SPINT2: variants seen among roughly 807,000 people sequenced by gnomAD.
SPINT2 encodes the protein kunitz-type protease inhibitor 2.
In SPINT2, 18 loss-of-function variants were observed where a neutral mutation model predicts 30.1. The observed-to-expected ratio is 0.60, with a 90% confidence interval of 0.41 to 0.89. The LOEUF is 0.89. Among genes scored for constraint, SPINT2 ranks in the 40% least tolerant of loss-of-function variants. The probability of loss-of-function intolerance (pLI) is 0.00; values close to 1 mark genes in which losing one functional copy is unlikely to be tolerated. For synonymous variants in SPINT2, 139 were observed against 137.9 expected (o/e 1.01, Z -0.05); for missense variants, 276 against 334.3 (o/e 0.83, Z 1.36).
intron 6 of SPINT2, chr19:38,291,119 C>G: frequency 4.9e-6 from 1 of 202,388 alleles, no homozygotes; most frequent in Non-Finnish European, 1.0e-5. Flanking sequence ...CGAGTCTGTC[C>G]TGTTCTAGCA....
chr19:38,280,329 C>G (rs1039498206), intron 1 of SPINT2, among the ~76,000 whole-genome samples: 6 of 152,210 alleles, frequency 3.9e-5, no homozygotes, highest in African/African-American at 7.2e-5. Flanking sequence ...AGGAATCATA[C>G]AGTAAACTAA....
chr19:38,280,671 A>G (rs888406944), intron 1 of SPINT2, among the ~76,000 whole-genome samples: 31 of 152,214 alleles, frequency 2.0e-4, no homozygotes, highest in African/African-American at 7.5e-4. Flanking sequence ...GGCACATGCC[A>G]CGTGTACCTG....
chr19:38,287,200 T>G (rs996719607), intron 2 of SPINT2, among the ~76,000 whole-genome samples: 1 of 151,926 alleles, frequency 6.6e-6, no homozygotes, highest in Non-Finnish European at 1.5e-5. Flanking sequence ...ACTTTTTGGG[T>G]TTTTTTGTTT....
At chr19:38,287,268 G>A (rs1285432018) in intron 2 of SPINT2, among the ~76,000 whole-genome samples, 2 of 152,120 alleles carry the variant, frequency 1.3e-5, no homozygotes, top group Non-Finnish European at 2.9e-5. Flanking sequence ...GTGCGATTTC[G>A]GCTCACTGCA....
Position 38,290,270 on chromosome 19 carries a change from C to T in SPINT2, c.543C>T (p.Leu181=). 6.2e-7 allele frequency: 1 copy of T among 1,611,888 alleles called. No homozygotes were observed. Among genetic ancestry groups the T allele is most frequent in the Non-Finnish European group, 8.5e-7 (1 of 1,179,870 alleles). The change falls in exon 5 of 7, where the codon CTC becomes CTT. Residue 181 remains leucine (L), a synonymous_variant. Transcript: ENST00000301244. This position sits in a 1 kb window ranked among gnomAD's most constrained non-coding sequence, Gnocchi z 4.3. ...ACCGCTCTGAGGAGGCCTGCATGCT[C>T]CGCTGCTTCCGTAAGTCTGCAGCCC... ...NSYRSEEACM[L]RCFRQQENPP...
chr19:38,266,602 A>C (rs1968382050), intron 1 of SPINT2, among the ~76,000 whole-genome samples: 2 of 151,928 alleles, frequency 1.3e-5, no homozygotes, highest in African/African-American at 4.8e-5. Flanking sequence ...CTTGAAGCCC[A>C]GAGGCGGAGG....
In SPINT2 at chr19:38,292,197, A is replaced by G; in HGVS notation, c.*191A>G. 4 of 703,936 alleles carry G rather than the reference A, an allele frequency of 5.7e-6. No homozygotes were observed. The highest frequency in any genetic ancestry group is 2.8e-5 in the East Asian group (1 of 35,320). 43.6% of individuals were successfully genotyped at this position (703,936 alleles called of 1,614,324 possible). On this transcript the variant is annotated 3_prime_UTR_variant, in exon 7 of 7. Transcript: ENST00000301244. ...AATCCTCTAGGAGGCTCCTCCTCGC[A>G]TGGCCTGCAGTCTGGCAGCAGCCCC...
At chr19:38,270,403 G>T (rs887402917) in intron 1 of SPINT2, among the ~76,000 whole-genome samples, 1 of 152,158 alleles carries the variant, frequency 6.6e-6, no homozygotes, top group African/African-American at 2.4e-5. Flanking sequence ...CCCACCAATT[G>T]CCAGGCACTG....
chr19:38,268,284 GA>G (rs1555715125), intron 1 of SPINT2, among the ~76,000 whole-genome samples: 1 of 152,108 alleles, frequency 6.6e-6, no homozygotes, highest in Non-Finnish European at 1.5e-5. Flanking sequence ...GAGGTGGGGG[GA>G]AAGCTGAGCT....
At chr19:38,282,708 C>T (rs968549778) in intron 1 of SPINT2, among the ~76,000 whole-genome samples, 7 of 152,162 alleles carry the variant, frequency 4.6e-5, no homozygotes, top group African/African-American at 9.7e-5. Flanking sequence ...TGTAACAAGC[C>T]GTGGTGCAGG....
chr19:38,282,306 G>A (rs1343788946), intron 1 of SPINT2, among the ~76,000 whole-genome samples: 4 of 152,222 alleles, frequency 2.6e-5, no homozygotes, highest in Non-Finnish European at 4.4e-5. Flanking sequence ...TTGGCTGTGG[G>A]ATGCTTTTAT....
rs1391921394 is a variant in SPINT2, at chr19:38,264,779, C to T, written c.-114C>T. On this transcript the variant is annotated 5_prime_UTR_variant, in exon 1 of 7. Coordinates refer to ENST00000301244, the MANE Select transcript of SPINT2 (RefSeq NM_021102.4). ...CACCTGGCGGACCCTCCCGGAGCGTCGGCACCTGAACGCGAGGCGCTCCAT... is the reference window on the plus strand; with the variant it reads ...CACCTGGCGGACCCTCCCGGAGCGTTGGCACCTGAACGCGAGGCGCTCCAT... 1.6e-5 allele frequency: 19 copies of T among 1,152,548 alleles called. No individual in the cohort carries two copies. Among genetic ancestry groups the T allele is most frequent in the Non-Finnish European group, 2.3e-5 (19 of 812,850 alleles). The allele number at this position is 1,152,548 out of a possible 1,614,324, so 71.4% of individuals were successfully genotyped here. A position where few individuals can be genotyped will look rare whatever the true frequency, so the allele number is the denominator to read the frequency against.
intron 2 of SPINT2, among the ~76,000 whole-genome samples, chr19:38,286,100 G>A (rs1363543753): frequency 3.3e-5 from 5 of 152,120 alleles, no homozygotes; most frequent in Non-Finnish European, 5.9e-5. Context: ...TGTGTCTCTC[G>A]AGGCGCTCCC....
At chr19:38,273,136 G>A (rs1282428713) in intron 1 of SPINT2, among the ~76,000 whole-genome samples, 3 of 152,080 alleles carry the variant, frequency 2.0e-5, no homozygotes, top group African/African-American at 7.2e-5. Flanking sequence ...AATTGTAAAT[G>A]TTCTTTCCTC....
At chr19:38,286,182 C>T (rs1968638638) in intron 2 of SPINT2, among the ~76,000 whole-genome samples, 1 of 152,184 alleles carries the variant, frequency 6.6e-6, no homozygotes, top group African/African-American at 2.4e-5. Flanking sequence ...CATATTCTCT[C>T]CCAGGCAGGC....
In SPINT2 at chr19:38,283,757, G is replaced by A; in HGVS notation, c.237G>A (p.Leu79=). ...GGCDGNSNNY[L]TKEECLKKCA... ...GTGACGGAAACAGCAATAATTACCT[G>A]ACCAAGGAGGAGTGCCTCAAGAAAT... is the stretch of plus-strand genomic sequence containing the variant. The change falls in exon 2 of 7, where the codon CTG becomes CTA. Residue 79 remains leucine (L), a synonymous_variant. Transcript: ENST00000301244. The A allele has an allele frequency of 6.2e-7, 1 of 1,613,256 alleles. No individual in the cohort carries two copies. The highest frequency in any genetic ancestry group is 2.2e-5 in the East Asian group (1 of 44,824).
chr19:38,277,007 G>A (rs1443932645), intron 1 of SPINT2, among the ~76,000 whole-genome samples: 1 of 151,668 alleles, frequency 6.6e-6, no homozygotes, highest in Admixed American at 6.6e-5. Context: ...TCACCATATT[G>A]GCCAGGCTGG....
In SPINT2 at chr19:38,264,976, C is replaced by T. The variant is rs1186548547; in HGVS notation, c.84C>T (p.Ala28=). The T allele has an allele frequency of 1.3e-6, 2 of 1,533,904 alleles. No homozygotes were observed. Among genetic ancestry groups the T allele is most frequent in the Admixed American group, 2.0e-5 (1 of 50,780 alleles). The change falls in exon 1 of 7, where the codon GCC becomes GCT. Residue 28 remains alanine (A), a synonymous_variant. Coordinates refer to ENST00000301244, the MANE Select transcript of SPINT2 (RefSeq NM_021102.4). ...TGCTCCTCTCTGGGGTCCTGGCGGCCGACCGAGAACGCAGCATCCACGGTG... is the reference window on the plus strand; with the variant it reads ...TGCTCCTCTCTGGGGTCCTGGCGGCTGACCGAGAACGCAGCATCCACGGTG... ...GSLLLSGVLA[A]DRERSIHDFC...
In SPINT2 at chr19:38,272,057, A is replaced by G. The variant is rs757146325; in HGVS notation, c.106+7059A>G. ...GAGTTTCAACATGGTGAAACAAAAA[A>G]TACAAAAAACTAGTCAGCCTGTAGT... On this transcript the variant is annotated intron_variant, in intron 1 of 6. Transcript: ENST00000301244. 4.8e-4 allele frequency among the ~76,000 whole-genome samples: 73 copies of G among 151,924 alleles called. 1 individual carries two copies. The highest frequency in any genetic ancestry group is 6.8e-4 in the Non-Finnish European group (46 of 68,000).
Sources: gnomAD v4.1 joint callset for allele counts (sites outside exome capture counted in the v4.1 genomes callset) on GRCh38, gnomAD v4.1.1 for gene constraint, Gnocchi (gnomAD v3.1) non-coding constraint, MANE v1.5 for transcripts, NCBI Gene and HGNC (gene_info 2026-07-23, HGNC 2026-07-21) for gene names.